PSD3: variants seen among roughly 807,000 people sequenced by gnomAD.
The protein encoded by PSD3 is PH and SEC7 domain-containing protein 3.
PSD3 carries 49 observed loss-of-function variants against 105.5 expected under a neutral mutation model. The observed-to-expected ratio is 0.46, with a 90% CI of 0.37 to 0.59. The LOEUF (loss-of-function observed/expected upper bound fraction) is 0.59. PSD3 is among the 20% of genes least tolerant of loss of function. The pLI is 0.00. For synonymous variants in PSD3, 557 were observed against 457.8 expected, an observed-to-expected ratio of 1.22 and a Z score of -2.77; for missense variants, 1,561 against 1,263.8, an observed-to-expected ratio of 1.24 and a Z score of -3.57.
chr8:18,795,262 G>A (rs1203140824), intron 8 of PSD3, among the ~76,000 whole-genome samples: 2 of 152,026 alleles, frequency 1.3e-5, no homozygotes, highest in Admixed American at 1.3e-4. Context: ...CAGACCACAG[G>A]GCATGATACT....
intron 12 of PSD3, among the ~76,000 whole-genome samples, chr8:18,589,492 T>G (rs17596541): frequency 6.6e-6 from 1 of 152,178 alleles, no homozygotes; most frequent in Non-Finnish European, 1.5e-5. Context: ...CCTGATGTAT[T>G]CCAAAAGGAA....
chr8:18,550,160 G>C (rs1585219649), intron 15 of PSD3, among the ~76,000 whole-genome samples: 1 of 152,190 alleles, frequency 6.6e-6, no homozygotes, highest in Non-Finnish European at 1.5e-5. Flanking sequence ...TTTAAGGACA[G>C]GGAGTCATTT....
intron 9 of PSD3, among the ~76,000 whole-genome samples, chr8:18,660,300 C>T (rs753739038): frequency 1.3e-5 from 2 of 152,034 alleles, no homozygotes; most frequent in East Asian, 1.9e-4. Flanking sequence ...TTAGAAGAGG[C>T]GAGGAAGAGA....
rs534622258 is a variant in PSD3, at chr8:18,527,387, T to C, written c.*8356A>G. The C allele has an allele frequency of 1.1e-3, 171 of 152,808 alleles. 2 individuals are homozygous for C. The highest frequency in any genetic ancestry group is 4.0e-3 in the African/African-American group (167 of 41,584). 9.5% of individuals were successfully genotyped at this position (152,808 alleles called of 1,614,324 possible). ...ACATATTTTAAATCCTTCACTATTT[T>C]GCGTGATTTCTATTACATAAAAACC... On this transcript the variant is annotated 3_prime_UTR_variant, in exon 16 of 16. Transcript: ENST00000327040.
At chr8:18,666,113 C>T (rs1244651190) in intron 9 of PSD3, among the ~76,000 whole-genome samples, 1 of 152,072 alleles carries the variant, frequency 6.6e-6, no homozygotes, top group South Asian at 2.1e-4. Context: ...CAGTGTGGCA[C>T]GATCTCCACT....
chr8:18,947,569 G>T (rs1029648172), intron 1 of PSD3, among the ~76,000 whole-genome samples: 1 of 152,192 alleles, frequency 6.6e-6, no homozygotes, highest in African/African-American at 2.4e-5. Context: ...GGGTGGCGGG[G>T]GGCCCAGAGC....
rs537132068 is a variant in PSD3 at position 18,551,971 on chromosome 8, A to G, written c.2928+4238T>C. On this transcript the variant is annotated intron_variant, in intron 15 of 15. Transcript: ENST00000327040. ...ATGACACTTACTGTAGAAAGTTATC[A>G]GATGTGATATATTAATAACAGGCAA... 2.6e-5 allele frequency among the ~76,000 whole-genome samples: 4 copies of G among 152,338 alleles called. No individual in the cohort carries two copies. In the East Asian group the frequency reaches 7.7e-4, roughly 29 times the overall value.
chr8:18,930,484 C>T (rs546950855), intron 2 of PSD3, among the ~76,000 whole-genome samples: 1 of 152,154 alleles, frequency 6.6e-6, no homozygotes, highest in East Asian at 1.9e-4. Context: ...TTGGCATACG[C>T]TTGGGTATCC....
intron 15 of PSD3, among the ~76,000 whole-genome samples, chr8:18,537,580 G>C (rs765021075): frequency 2.6e-5 from 4 of 152,148 alleles, no homozygotes; most frequent in Non-Finnish European, 5.9e-5. Context: ...TGACCAGTAA[G>C]ACGTAAGGAA....
chr8:18,696,772 C>T (rs777683864), intron 9 of PSD3, among the ~76,000 whole-genome samples: 35 of 152,168 alleles, frequency 2.3e-4, no homozygotes, highest in Admixed American at 3.9e-4. Flanking sequence ...TGCCTCAAAT[C>T]GGAACATCAT....
At chr8:19,059,672 A>G (rs1163267970) in intron 1 of PSD3, among the ~76,000 whole-genome samples, 2 of 152,250 alleles carry the variant, frequency 1.3e-5, no homozygotes, top group Non-Finnish European at 2.9e-5. Flanking sequence ...TCTGTAAAGC[A>G]CTGAGTTGAG....
intron 13 of PSD3, among the ~76,000 whole-genome samples, chr8:18,574,165 A>T (rs1487459467): frequency 6.6e-6 from 1 of 152,196 alleles, no homozygotes; most frequent in Non-Finnish European, 1.5e-5. Context: ...AAGTAAAAAA[A>T]AAGTCAGCCA....
At chr8:18,580,609 T>C (rs939014911) in intron 12 of PSD3, among the ~76,000 whole-genome samples, 5 of 151,816 alleles carry the variant, frequency 3.3e-5, no homozygotes, top group African/African-American at 1.2e-4. Context: ...AAACCCCTTA[T>C]AGGCAGGTGG....
intron 15 of PSD3, among the ~76,000 whole-genome samples, chr8:18,538,135 A>G (rs1026411377): frequency 1.3e-5 from 2 of 152,248 alleles, no homozygotes; most frequent in Non-Finnish European, 2.9e-5. Flanking sequence ...GCTGGATCCA[A>G]CCCTAAGGCT....
intron 12 of PSD3, among the ~76,000 whole-genome samples, chr8:18,586,973 C>A (rs1275440064): frequency 6.6e-6 from 1 of 152,218 alleles, no homozygotes; most frequent in African/African-American, 2.4e-5. Flanking sequence ...CCATCTCTGG[C>A]AAAGCCCCTG....
At chr8:18,548,519 G>A (rs940628773) in intron 15 of PSD3, among the ~76,000 whole-genome samples, 4 of 152,060 alleles carry the variant, frequency 2.6e-5, no homozygotes, top group Non-Finnish European at 4.4e-5. Context: ...CTTTTCTATG[G>A]ACATATCTAC....
At chr8:18,709,721 G>T (rs1585689931) in intron 9 of PSD3, among the ~76,000 whole-genome samples, 2 of 152,238 alleles carry the variant, frequency 1.3e-5, no homozygotes, top group South Asian at 4.1e-4. Flanking sequence ...AATAGGGTGT[G>T]GAGTGGAACC....
At chr8:18,919,540 C>T (rs2129466747) in intron 2 of PSD3, among the ~76,000 whole-genome samples, 1 of 152,050 alleles carries the variant, frequency 6.6e-6, no homozygotes, top group South Asian at 2.1e-4. Context: ...GCATGGAAAG[C>T]ATCCAAGGTG....
At chr8:18,608,318 C>G (rs1805015807) in intron 11 of PSD3, among the ~76,000 whole-genome samples, 1 of 152,204 alleles carries the variant, frequency 6.6e-6, no homozygotes, top group African/African-American at 2.4e-5. Flanking sequence ...AGTAAATGGT[C>G]TGTACCAGTA....
Sources: allele counts gnomAD v4.1 joint callset (sites outside exome capture counted in the v4.1 genomes callset), GRCh38; gene constraint gnomAD v4.1.1; transcripts MANE v1.5; gene names NCBI Gene and HGNC (gene_info 2026-07-23, HGNC 2026-07-21).